The following PTBP3 variants were observed in gnomAD, a reference collection of about 807,000 sequenced individuals.
PTBP3 encodes polypyrimidine tract-binding protein 3.
A neutral mutation model predicts 58.7 loss-of-function variants in PTBP3; 20 were observed. The ratio of observed to expected loss-of-function variants is 0.34; its 90% CI spans 0.24 to 0.50. The LOEUF (loss-of-function observed/expected upper bound fraction) is 0.50, where lower values mean the gene tolerates loss of function less well. Ranked by LOEUF, PTBP3 falls within the 20% of genes least tolerant of loss-of-function variation. The probability of loss-of-function intolerance (pLI) is 0.98; values close to 1 mark genes in which losing one functional copy is unlikely to be tolerated. For synonymous variants in PTBP3, 185 were observed against 219.8 expected (o/e 0.84, Z 1.40); for missense variants, 509 against 637.2 (o/e 0.80, Z 2.17).
chr9:112,236,249 A>C (rs1835433541), intron 7 of PTBP3, among the ~76,000 whole-genome samples: 1 of 152,190 alleles, frequency 6.6e-6, no homozygotes, highest in African/African-American at 2.4e-5. Flanking sequence ...GAGAATTGAC[A>C]CTGAGATTCA....
At chr9:112,278,508 C>A (rs1048264610) in intron 2 of PTBP3, among the ~76,000 whole-genome samples, 16 of 152,154 alleles carry the variant, frequency 1.1e-4, no homozygotes, top group African/African-American at 3.6e-4. Context: ...TGAAAGAACA[C>A]TAAGAAAGCT....
intron 6 of PTBP3, among the ~76,000 whole-genome samples, chr9:112,251,968 T>A (rs1272910838): frequency 6.6e-6 from 1 of 152,128 alleles, no homozygotes; most frequent in Non-Finnish European, 1.5e-5. Flanking sequence ...ATAGTCCTCA[T>A]CTTTGACCAA....
chr9:112,304,882 C>T (rs1461598980), intron 1 of PTBP3, among the ~76,000 whole-genome samples: 8 of 152,150 alleles, frequency 5.3e-5, no homozygotes, highest in Admixed American at 5.2e-4. Flanking sequence ...TCTATAACAA[C>T]ATCCTTAACT....
intron 12 of PTBP3, among the ~76,000 whole-genome samples, chr9:112,225,433 A>G (rs1007724292): frequency 1.3e-5 from 2 of 152,206 alleles, no homozygotes; most frequent in African/African-American, 4.8e-5. Context: ...TTACTGCTTA[A>G]TGGGTACAGA....
At chr9:112,323,606 A>G (rs562210427) in intron 1 of PTBP3, among the ~76,000 whole-genome samples, 1 of 152,356 alleles carries the variant, frequency 6.6e-6, no homozygotes, top group African/African-American at 2.4e-5. Flanking sequence ...ACCAAAAGGA[A>G]ATGCTAGAAA....
Position 112,333,530 on chromosome 9 carries a change from G to C in PTBP3, c.-112C>G, listed in dbSNP as rs2132507892. 1.9e-6 allele frequency: 3 copies of C among 1,565,298 alleles called. No homozygotes were observed. Among genetic ancestry groups the C allele is most frequent in the South Asian group, 1.2e-5 (1 of 86,356 alleles). On this transcript the variant is annotated 5_prime_UTR_variant, in exon 1 of 14. Coordinates refer to ENST00000374257, the MANE Select transcript of PTBP3 (RefSeq NM_001163788.4). The stretch of plus-strand genomic sequence containing the variant: ...GGGACTGACGGGCTAACCGCGAGCA[G>C]AGGAAGCAGGCGGCGGCAGCAGGGC...
At chr9:112,259,094 T>C (rs556475773) in intron 5 of PTBP3, among the ~76,000 whole-genome samples, 126 of 152,162 alleles carry the variant, frequency 8.3e-4, no homozygotes, top group African/African-American at 2.8e-3. Context: ...TGGGACTACA[T>C]GTGTGTGCCA....
the PTBP3 span, among the ~76,000 whole-genome samples, chr9:112,346,939 G>T: frequency 6.6e-6 from 1 of 152,248 alleles, no homozygotes; most frequent in African/African-American, 2.4e-5. Context: ...GGCCAGGCTG[G>T]TCTTGAACTC....
the PTBP3 span, among the ~76,000 whole-genome samples, chr9:112,345,361 A>G: frequency 8.3e-6 from 1 of 120,740 alleles, no homozygotes; most frequent in African/African-American, 3.6e-5. Flanking sequence ...AAAAAAAAAA[A>G]AAAAAAAAAG....
At chr9:112,234,756 G>T (rs1414173729) in intron 8 of PTBP3, 64 bp downstream of exon 8, 4 of 1,423,600 alleles carry the variant, frequency 2.8e-6, no homozygotes, top group Non-Finnish European at 3.9e-6. Context: ...CTTCATCTTG[G>T]TAAGTTCCTA....
upstream of PTBP3, among the ~76,000 whole-genome samples, chr9:112,336,997 C>A (rs1189607475): frequency 6.6e-6 from 1 of 152,174 alleles, no homozygotes; most frequent in African/African-American, 2.4e-5. Flanking sequence ...CTTTCCCCTG[C>A]CCCTTGGTTC....
intron 1 of PTBP3, among the ~76,000 whole-genome samples, chr9:112,329,478 A>T (rs151113276): frequency 2.6e-5 from 4 of 152,336 alleles, no homozygotes; most frequent in African/African-American, 9.6e-5. Context: ...AACCTAGAAG[A>T]ATCATTATTA....
At chr9:112,324,647 C>CTTT (rs199638020) in intron 1 of PTBP3, among the ~76,000 whole-genome samples, 1 of 131,968 alleles carries the variant, frequency 7.6e-6, no homozygotes, top group African/African-American at 2.7e-5. Context: ...GAGACTACCT[C>CTTT]TTTTTTTTTT....
chr9:112,347,810 A>G, the PTBP3 span, among the ~76,000 whole-genome samples: 2 of 152,226 alleles, frequency 1.3e-5, no homozygotes, highest in African/African-American at 4.8e-5. Flanking sequence ...GGGAGGAGGC[A>G]GGGAGATGGA....
At chr9:112,344,733 A>G in the PTBP3 span, among the ~76,000 whole-genome samples, 1 of 152,116 alleles carries the variant, frequency 6.6e-6, no homozygotes, top group Admixed American at 6.5e-5. Flanking sequence ...AATTAATGCA[A>G]AAGAAAAAAA....
At chr9:112,312,706 A>C (rs913489025) in intron 1 of PTBP3, among the ~76,000 whole-genome samples, 3 of 151,952 alleles carry the variant, frequency 2.0e-5, no homozygotes, top group Non-Finnish European at 1.5e-5. Context: ...AATAATAATA[A>C]ATCAATGAAA....
chr9:112,290,123 T>C (rs1828315662), intron 2 of PTBP3, among the ~76,000 whole-genome samples: 1 of 152,172 alleles, frequency 6.6e-6, no homozygotes, highest in South Asian at 2.1e-4. Flanking sequence ...AGTATAAATT[T>C]GTAAATTATA....
intron 2 of PTBP3, among the ~76,000 whole-genome samples, chr9:112,294,625 T>C (rs984126195): frequency 6.6e-6 from 1 of 152,178 alleles, no homozygotes; most frequent in Non-Finnish European, 1.5e-5. Context: ...AATCACAAAT[T>C]ACCACTGTTA....
At chr9:112,320,306 ATATATATATTTT>A (rs1829882250) in intron 1 of PTBP3, among the ~76,000 whole-genome samples, 1 of 54,106 alleles carries the variant, frequency 1.8e-5, no homozygotes, top group African/African-American at 1.4e-4. Context: ...ATATATATAT[ATATATATATTTT>A]TTTTTAAGTG....
Sources: gnomAD v4.1 joint callset for allele counts (sites outside exome capture counted in the v4.1 genomes callset) on GRCh38, gnomAD v4.1.1 for gene constraint, MANE v1.5 for transcripts, NCBI Gene and HGNC (gene_info 2026-07-23, HGNC 2026-07-21) for gene names.